The following ZFAND5 variants were observed in gnomAD, a reference collection of about 807,000 sequenced individuals.
ZFAND5 encodes the protein zinc finger AN1-type containing 5, also known as AN1-type zinc finger protein 5.
Under a neutral mutation model 23.6 loss-of-function variants are expected in ZFAND5, and 4 were observed. The observed-to-expected ratio is 0.17, with a 90% CI of 0.08 to 0.39. The LOEUF is 0.39. Among genes scored for constraint, ZFAND5 ranks in the 10% least tolerant of loss-of-function variants. ZFAND5 has a pLI of 1.00. For missense variants in ZFAND5, 161 were observed against 253.7 expected (o/e 0.63, Z 2.48); for synonymous variants, 68 against 80.6 (o/e 0.84, Z 0.84).
intron 5 of ZFAND5, among the ~76,000 whole-genome samples, chr9:72,358,797 A>C (rs567381934): frequency 6.6e-6 from 1 of 152,276 alleles, no homozygotes; most frequent in East Asian, 1.9e-4. Context: ...AAATTGATAA[A>C]ATAAGCTACG....
In ZFAND5 at chr9:72,364,968, G is replaced by C. The variant is rs1038799232; in HGVS notation, c.-419C>G. ...CCGAGGAGGAGGTGGAGGGAGGACC[G>C]GCGGCCGCAGCGGCTAACGCTGCTC... On this transcript the variant is annotated 5_prime_UTR_variant, in exon 1 of 7. Transcript: ENST00000376962. The C allele has an allele frequency of 6.5e-6, 1 of 152,682 alleles. No homozygotes were observed. Among genetic ancestry groups the C allele is most frequent in the African/African-American group, 2.4e-5 (1 of 41,456 alleles). 9.5% of individuals were successfully genotyped at this position (152,682 alleles called of 1,614,324 possible). A position where few individuals can be genotyped will look rare whatever the true frequency, so the allele number is the denominator to read the frequency against.
intron 5 of ZFAND5, 110 bp downstream of exon 5, chr9:72,359,308 A>T: frequency 1.0e-6 from 1 of 994,022 alleles, no homozygotes; most frequent in Non-Finnish European, 1.5e-6. Context: ...CCTATATTTT[A>T]TGGCTCTCCC....
chr9:72,358,556 G>C (rs1052024563), intron 5 of ZFAND5, among the ~76,000 whole-genome samples: 2 of 151,982 alleles, frequency 1.3e-5, no homozygotes, highest in Non-Finnish European at 2.9e-5. Flanking sequence ...AGGCATCACG[G>C]GCAAACTAAT....
At chr9:72,364,231 G>A in intron 1 of ZFAND5, 4 of 331,452 alleles carry the variant, frequency 1.2e-5, no homozygotes, top group Non-Finnish European at 2.1e-5. Context: ...CAGCAGGCCC[G>A]GCCAGCCCTT....
rs1423122727 is a variant in ZFAND5 at position 72,365,167 on chromosome 9, C to G, written c.-618G>C. ...CGCGGCTCCCGGGAGCGAGCGAGCC[C>G]GCGTAGGAGATGCACACAGCTCCGC... On this transcript the variant is annotated 5_prime_UTR_variant, in exon 1 of 7. Transcript: ENST00000376962. The G allele has an allele frequency of 2.6e-5, 4 of 152,366 alleles. No individual in the cohort carries two copies. In the East Asian group the frequency reaches 5.8e-4, roughly 22 times the overall value. 9.4% of individuals were successfully genotyped at this position (152,366 alleles called of 1,614,324 possible). A position where few individuals can be genotyped will look rare whatever the true frequency, so the allele number is the denominator to read the frequency against.
intron 2 of ZFAND5, among the ~76,000 whole-genome samples, chr9:72,362,722 A>C (rs753357242): frequency 6.6e-6 from 1 of 152,170 alleles, no homozygotes; most frequent in Admixed American, 6.6e-5. Flanking sequence ...CCCATCTTTT[A>C]GATTTTTTTC....
rs776357320 is a variant in ZFAND5 at position 72,360,165 on chromosome 9, C to G, written c.208G>C (p.Asp70His). ...CCTTCACAGTTGTTTAAGCTAGTGT[C>G]TGCTCTCTGTACAGATGCAGAATCT... ...TSDSASVQRA[D>H]TSLNNCEGAA... The change falls in exon 4 of 7, where the codon GAC becomes CAC. Residue 70 changes from aspartate to histidine, a missense_variant. Asp to His is a moderately conservative substitution (Grantham distance 81). Transcript: ENST00000376962. 6.2e-7 allele frequency: 1 copy of G among 1,613,036 alleles called. No individual in the cohort carries two copies. The highest frequency in any genetic ancestry group is 1.1e-5 in the South Asian group (1 of 91,014).
intron 1 of ZFAND5, 124 bp downstream of exon 1, chr9:72,364,572 G>C: frequency 8.8e-6 from 11 of 1,256,114 alleles, no homozygotes; most frequent in Non-Finnish European, 1.1e-5. Flanking sequence ...CCCCTCCCCC[G>C]GACGCCGCCA....
chr9:72,356,891 T>TGCAGAAGTAAAACATACA, intron 6 of ZFAND5, 40 bp downstream of exon 6: 1 of 1,608,360 alleles, frequency 6.2e-7, no homozygotes, highest in East Asian at 2.2e-5. Context: ...CCTTGTTAAC[T>TGCAGAAGTAAAACATACA]GCAGAAGTAA....
In ZFAND5 at chr9:72,364,922, G is replaced by A. The variant is rs1229419183; in HGVS notation, c.-373C>T. 1.3e-5 allele frequency: 2 copies of A among 153,120 alleles called. No homozygotes were observed. Among genetic ancestry groups the A allele is most frequent in the Admixed American group, 1.3e-4 (2 of 15,292 alleles). 9.5% of individuals were successfully genotyped at this position (153,120 alleles called of 1,614,324 possible). ...GGACACGCCGGAGCTCGGGAAGTGG[G>A]AGGAGGGAAGCGAGGGGGGGCCGAG... is the stretch of plus-strand genomic sequence containing the variant. On this transcript the variant is annotated 5_prime_UTR_variant, in exon 1 of 7. Coordinates refer to ENST00000376962, the MANE Select transcript of ZFAND5 (RefSeq NM_001102420.3).
chr9:72,355,985 C>T lies in ZFAND5; in HGVS notation c.610G>A (p.Val204Ile). The change falls in exon 7 of 7, where the codon GTT becomes ATT. Residue 204 changes from valine (V) to isoleucine (I), a missense_variant. Around this residue, in one of 3 missense-constraint regions of ZFAND5, gnomAD observed 24 missense variants for 80.0 expected, o/e 0.30. Transcript: ENST00000376962. Reference protein sequence around the residue: ...AAAKIRKENPVVVAEKIQRI With the variant: ...AAAKIRKENPIVVAEKIQRI ...CTCTGAATTTTTTCAGCCACAACAACTGGATTCTCTTTTCTGATTTTTGCT... is the reference window on the plus strand; with the variant it reads ...CTCTGAATTTTTTCAGCCACAACAATTGGATTCTCTTTTCTGATTTTTGCT... The T allele has an allele frequency of 6.2e-7, 1 of 1,611,288 alleles. No homozygotes were observed. The highest frequency in any genetic ancestry group is 1.1e-5 in the South Asian group (1 of 90,566).
At position 72,364,758 on chromosome 9, in the gene ZFAND5, C is replaced by T. The variant is rs941398435; in HGVS notation, c.-209G>A. 1.9e-5 allele frequency: 9 copies of T among 482,776 alleles called. No individual in the cohort carries two copies. In the East Asian group the frequency reaches 1.4e-3, roughly 75 times the overall value. 29.9% of individuals were successfully genotyped at this position (482,776 alleles called of 1,614,324 possible). A position where few individuals can be genotyped will look rare whatever the true frequency, so the allele number is the denominator to read the frequency against. ...CGAAGCCGGCACGATGAGGCCGGGC[C>T]GAGGCCTCCGGGAAGGCTGAGCCGG... On this transcript the variant is annotated 5_prime_UTR_variant, in exon 1 of 7. Coordinates refer to ENST00000376962, the MANE Select transcript of ZFAND5 (RefSeq NM_001102420.3).
chr9:72,358,188 TG>T (rs1216946285), intron 5 of ZFAND5, among the ~76,000 whole-genome samples: 1 of 152,128 alleles, frequency 6.6e-6, no homozygotes, highest in Admixed American at 6.5e-5. Context: ...ATGAATCTAC[TG>T]GGAGAAATAG....
At chr9:72,357,959 A>G (rs1165119192) in intron 5 of ZFAND5, among the ~76,000 whole-genome samples, 2 of 152,172 alleles carry the variant, frequency 1.3e-5, no homozygotes, top group Non-Finnish European at 2.9e-5. Flanking sequence ...ATATCTACTT[A>G]CATATAATTC....
In ZFAND5 at chr9:72,354,823, A is replaced by T. The variant is rs1255642031; in HGVS notation, c.*1130T>A. 1 of 152,654 alleles carries T rather than the reference A, an allele frequency of 6.6e-6. No individual in the cohort carries two copies. The highest frequency in any genetic ancestry group is 1.5e-5 in the Non-Finnish European group (1 of 68,046). 9.5% of individuals were successfully genotyped at this position (152,654 alleles called of 1,614,324 possible). ...GATTATTACCAGACAAGCATCAGTG[A>T]AGTATACTGCCTTTTCTAGTTGTTA... On this transcript the variant is annotated 3_prime_UTR_variant, in exon 7 of 7. Coordinates refer to ENST00000376962, the MANE Select transcript of ZFAND5 (RefSeq NM_001102420.3).
rs1842227110 is a variant in ZFAND5, at chr9:72,365,047, C to A, written c.-498G>T. ...CTCCACAGGCCGCAGGTTGGGCGGA[C>A]GAGGAGGGCGAGCGGACCGCGCGCC... is the stretch of plus-strand genomic sequence containing the variant. On this transcript the variant is annotated 5_prime_UTR_variant, in exon 1 of 7. Coordinates refer to ENST00000376962, the MANE Select transcript of ZFAND5 (RefSeq NM_001102420.3). 6.6e-6 allele frequency: 1 copy of A among 152,120 alleles called. No homozygotes were observed. The highest frequency in any genetic ancestry group is 2.1e-4 in the South Asian group (1 of 4,832). 9.4% of individuals were successfully genotyped at this position (152,120 alleles called of 1,614,324 possible). A position where few individuals can be genotyped will look rare whatever the true frequency, so the allele number is the denominator to read the frequency against.
chr9:72,356,952 T>G lies in ZFAND5; in HGVS notation c.472A>C (p.Arg158=), dbSNP rs1841960837. The part of the protein sequence containing the change: ...KPKKNRCFMC[R]KKVGLTGFDC... ...ATACCTGTAAGACCAACTTTCTTTC[T>G]GCACATGAAACATCTGTTTTTCTTT... The change falls in exon 6 of 7, where the codon AGA becomes CGA. Residue 158 remains arginine, a synonymous_variant. Coordinates refer to ENST00000376962, the MANE Select transcript of ZFAND5 (RefSeq NM_001102420.3). The G allele has an allele frequency of 1.2e-6, 2 of 1,612,822 alleles. No homozygotes were observed. Among genetic ancestry groups the G allele is most frequent in the African/African-American group, 2.7e-5 (2 of 74,998 alleles).
At chr9:72,356,415 C>A (rs1400204709) in intron 6 of ZFAND5, among the ~76,000 whole-genome samples, 1 of 152,200 alleles carries the variant, frequency 6.6e-6, no homozygotes, top group Non-Finnish European at 1.5e-5. Context: ...AATGGGCTAT[C>A]TGCCAGCTAA....
In ZFAND5 at chr9:72,354,161, T is replaced by C. The variant is rs1841866194; in HGVS notation, c.*1792A>G. On this transcript the variant is annotated 3_prime_UTR_variant, in exon 7 of 7. Coordinates refer to ENST00000376962, the MANE Select transcript of ZFAND5 (RefSeq NM_001102420.3). ...ATACCTACTTTCTTCTTCAGAATTGTCATAAAACATCATCTTTTACAACAT... is the reference window on the plus strand; with the variant it reads ...ATACCTACTTTCTTCTTCAGAATTGCCATAAAACATCATCTTTTACAACAT... 2 of 152,204 alleles carry C rather than the reference T, an allele frequency of 1.3e-5. No individual in the cohort carries two copies. The highest frequency in any genetic ancestry group is 4.1e-4 in the South Asian group (2 of 4,834). 9.4% of individuals were successfully genotyped at this position (152,204 alleles called of 1,614,324 possible). A position where few individuals can be genotyped will look rare whatever the true frequency, so the allele number is the denominator to read the frequency against.
Sources: allele counts gnomAD v4.1 joint callset (sites outside exome capture counted in the v4.1 genomes callset), GRCh38; gene constraint gnomAD v4.1.1; regional missense constraint gnomAD v4.1.1; transcripts MANE v1.5; gene names NCBI Gene and HGNC (gene_info 2026-07-23, HGNC 2026-07-21).